The following TTC7B variants were observed in gnomAD, a reference collection of about 807,000 sequenced individuals.
TTC7B encodes the protein tetratricopeptide repeat protein 7B.
In TTC7B, 28 loss-of-function variants were observed where a neutral mutation model predicts 106.8. That is an observed-to-expected ratio of 0.26 (90% confidence interval 0.19 to 0.36). The LOEUF (loss-of-function observed/expected upper bound fraction) is 0.36. TTC7B is among the 10% of genes least tolerant of loss of function. The pLI is 1.00. For synonymous variants in TTC7B, 405 were observed against 430.6 expected (o/e 0.94, Z 0.74); for missense variants, 862 against 1,076.4 (o/e 0.80, Z 2.79).
intron 1 of TTC7B, among the ~76,000 whole-genome samples, chr14:90,788,046 T>C (rs1840355317): frequency 1.3e-5 from 2 of 150,210 alleles, no homozygotes. Context: ...GCACCTGTAA[T>C]CCCAGCTACT....
chr14:90,569,020 G>C (rs577239447), intron 19 of TTC7B, among the ~76,000 whole-genome samples: 1 of 152,110 alleles, frequency 6.6e-6, no homozygotes, highest in Non-Finnish European at 1.5e-5. Flanking sequence ...TCTCCACTGG[G>C]TTTGCCCCTC....
chr14:90,660,784 G>A (rs150702896), intron 9 of TTC7B, among the ~76,000 whole-genome samples: 120 of 152,318 alleles, frequency 7.9e-4, no homozygotes, highest in African/African-American at 2.9e-3. Flanking sequence ...TAAATATCAC[G>A]CTAGTTGGTT....
Position 90,742,295 on chromosome 14 carries a change from T to C in TTC7B, c.576+2497A>G, listed in dbSNP as rs1316259284. Among the ~76,000 whole-genome samples, 1 of 151,518 alleles carries C rather than the reference T, an allele frequency of 6.6e-6. No individual in the cohort carries two copies. Among genetic ancestry groups the C allele is most frequent in the African/African-American group, 2.4e-5 (1 of 41,254 alleles). ...TTTCTCTCTCTCTCCTTCCCTCCCT[T>C]CCTCCCTCCCTCCTTTCTCTTTCTC... On this transcript the variant is annotated intron_variant, in intron 4 of 19. Coordinates refer to ENST00000328459, the MANE Select transcript of TTC7B (RefSeq NM_001010854.2). The surrounding 1 kb of genome is among the most constrained non-coding windows in gnomAD (Gnocchi z 4.1).
chr14:90,786,153 C>G, intron 2 of TTC7B, 21 bp downstream of exon 2: 1 of 1,516,404 alleles, frequency 6.6e-7, no homozygotes, highest in Non-Finnish European at 8.8e-7. Flanking sequence ...AGTGTCGCCT[C>G]AGCCCAGAGG....
intron 19 of TTC7B, among the ~76,000 whole-genome samples, chr14:90,555,841 C>T (rs17793829): frequency 0.16 from 24,822 of 152,286 alleles, 2,476 homozygotes; most frequent in South Asian, 0.23. Context: ...AGAGCTGCCT[C>T]TGCCTAGCCC....
chr14:90,567,047 G>C (rs1251890459), intron 19 of TTC7B, among the ~76,000 whole-genome samples: 3 of 152,080 alleles, frequency 2.0e-5, no homozygotes, highest in Non-Finnish European at 4.4e-5. Context: ...GCGGGGGCGG[G>C]GAGGGGTGGT....
At chr14:90,635,991 C>T (rs1170106638) in intron 15 of TTC7B, among the ~76,000 whole-genome samples, 2 of 149,820 alleles carry the variant, frequency 1.3e-5, no homozygotes, top group Non-Finnish European at 3.0e-5. Context: ...TGTGGTGGTG[C>T]GCACCTGTAA....
intron 15 of TTC7B, among the ~76,000 whole-genome samples, chr14:90,643,837 C>T (rs576789631): frequency 2.1e-4 from 32 of 152,270 alleles, no homozygotes; most frequent in African/African-American, 6.5e-4. Context: ...CCCACCTCGG[C>T]CTCCCAAAGT....
rs1889504174 is a variant in TTC7B, at chr14:90,539,483, A to C, written c.*1885T>G. 1 of 152,348 alleles carries C rather than the reference A, an allele frequency of 6.6e-6. No homozygotes were observed. The highest frequency in any genetic ancestry group is 2.1e-4 in the South Asian group (1 of 4,828). 9.4% of individuals were successfully genotyped at this position (152,348 alleles called of 1,614,324 possible). A position where few individuals can be genotyped will look rare whatever the true frequency, so the allele number is the denominator to read the frequency against. ...CAGGTCCTACATTGCAAATTCCATG[A>C]CTTATGACCACTCAAAGCCACAAGT... On this transcript the variant is annotated 3_prime_UTR_variant, in exon 20 of 20. Transcript: ENST00000328459.
intron 3 of TTC7B, among the ~76,000 whole-genome samples, chr14:90,746,772 C>G (rs1889980487): frequency 6.6e-6 from 1 of 152,220 alleles, no homozygotes; most frequent in Admixed American, 6.5e-5. Flanking sequence ...ATTCAGTTCA[C>G]AATATTTTCT....
At chr14:90,620,933 G>A (rs1201410387) in intron 15 of TTC7B, among the ~76,000 whole-genome samples, 1 of 152,246 alleles carries the variant, frequency 6.6e-6, no homozygotes, top group Non-Finnish European at 1.5e-5. Flanking sequence ...AACAATGGTA[G>A]AGTGGCTGAG....
intron 16 of TTC7B, among the ~76,000 whole-genome samples, chr14:90,614,193 A>T (rs1871248656): frequency 6.6e-6 from 1 of 152,198 alleles, no homozygotes; most frequent in Non-Finnish European, 1.5e-5. Context: ...GAGTCAAGGT[A>T]AGCTCCCAAT....
chr14:90,633,654 C>G (rs1286436), intron 15 of TTC7B, among the ~76,000 whole-genome samples: 1 of 152,100 alleles, frequency 6.6e-6, no homozygotes, highest in Non-Finnish European at 1.5e-5. Flanking sequence ...TTGGGAGAGA[C>G]AATTATGTAC....
intron 19 of TTC7B, among the ~76,000 whole-genome samples, chr14:90,561,520 C>G (rs1595160146): frequency 1.3e-5 from 2 of 152,228 alleles, no homozygotes; most frequent in African/African-American, 2.4e-5. Flanking sequence ...TTGTTAGACA[C>G]CACTGAAGTC....
Position 90,774,775 on chromosome 14 carries a change from C to T in TTC7B, c.445+5963G>A, listed in dbSNP as rs149636098. Among the ~76,000 whole-genome samples, 1,085 of 152,360 alleles carry T rather than the reference C, an allele frequency of 7.1e-3. 13 individuals are homozygous for T. Among genetic ancestry groups the T allele is most frequent in the African/African-American group, 0.024 (1,018 of 41,582 alleles). On this transcript the variant is annotated intron_variant, in intron 3 of 19. Coordinates refer to ENST00000328459, the MANE Select transcript of TTC7B (RefSeq NM_001010854.2). ...CCCCGCTAGGCTGGGCGCGGTGGCT[C>T]ACGCCTGTAATCCCAGCACTTTGGG...
At chr14:90,607,220 A>G (rs1318290360) in intron 17 of TTC7B, among the ~76,000 whole-genome samples, 2 of 152,230 alleles carry the variant, frequency 1.3e-5, no homozygotes, top group Non-Finnish European at 2.9e-5. Flanking sequence ...AACAGATCCA[A>G]GAGGACTTGC....
intron 19 of TTC7B, among the ~76,000 whole-genome samples, chr14:90,550,855 A>G (rs1294580): frequency 0.45 from 68,173 of 151,940 alleles, 15,673 homozygotes; most frequent in Admixed American, 0.52. Context: ...GCTGTGGGGT[A>G]GTAGGGAAGG....
At position 90,759,865 on chromosome 14, in the gene TTC7B, C is replaced by A. The variant is rs536653323; in HGVS notation, c.446-14943G>T. On this transcript the variant is annotated intron_variant, in intron 3 of 19. Coordinates refer to ENST00000328459, the MANE Select transcript of TTC7B (RefSeq NM_001010854.2). This position sits in a 1 kb window ranked among gnomAD's most constrained non-coding sequence, Gnocchi z 4.1. ...TTAAAGAATGGCCCCGTCACAGGCA[C>A]CCCTGTGCAGCAGGCACTGTTGTCC... Among the ~76,000 whole-genome samples the A allele has an allele frequency of 6.6e-6, 1 of 152,316 alleles. No individual in the cohort carries two copies. Among genetic ancestry groups the A allele is most frequent in the African/African-American group, 2.4e-5 (1 of 41,576 alleles).
rs1245949707 is a variant in TTC7B, at chr14:90,752,216, C to T, written c.446-7294G>A. ...AAACCGGACTCTCCACTCCTTGCTT[C>T]CTTTCACATCAAGATTAAGGGTCAG... On this transcript the variant is annotated intron_variant, in intron 3 of 19. Coordinates refer to ENST00000328459, the MANE Select transcript of TTC7B (RefSeq NM_001010854.2). Among the ~76,000 whole-genome samples the T allele has an allele frequency of 5.9e-5, 9 of 152,174 alleles. No individual in the cohort carries two copies. In the East Asian group the frequency reaches 1.7e-3, roughly 29 times the overall value.
Sources: allele counts gnomAD v4.1 joint callset (sites outside exome capture counted in the v4.1 genomes callset), GRCh38; gene constraint gnomAD v4.1.1; non-coding constraint Gnocchi (gnomAD v3.1); transcripts MANE v1.5; gene names NCBI Gene and HGNC (gene_info 2026-07-23, HGNC 2026-07-21).